The following CEP170 variants were observed in gnomAD, a reference collection of about 807,000 sequenced individuals.
CEP170 encodes centrosomal protein of 170 kDa.
In CEP170, 21 loss-of-function variants were observed where a neutral mutation model predicts 151.9. That is an observed-to-expected ratio of 0.14 (90% CI 0.10 to 0.20). The LOEUF (loss-of-function observed/expected upper bound fraction) is 0.20, where lower values mean the gene tolerates loss of function less well. Among genes scored for constraint, CEP170 ranks in the 10% least tolerant of loss-of-function variants. The probability of loss-of-function intolerance (pLI) is 1.00; values close to 1 mark genes in which losing one functional copy is unlikely to be tolerated. For synonymous variants in CEP170, 356 were observed against 648.8 expected (o/e 0.55, Z 6.86); for missense variants, 964 against 1,892.9 (o/e 0.51, Z 9.11).
intron 16 of CEP170, among the ~76,000 whole-genome samples, chr1:243,137,303 A>C (rs889481036): frequency 6.6e-6 from 1 of 152,260 alleles, no homozygotes; most frequent in Admixed American, 6.5e-5. Flanking sequence ...TTATATTGTC[A>C]GTACTATATC....
At chr1:243,129,085 T>C (rs1033699615) in intron 18 of CEP170, among the ~76,000 whole-genome samples, 1 of 152,112 alleles carries the variant, frequency 6.6e-6, no homozygotes, top group African/African-American at 2.4e-5. Context: ...TAGATTTGGT[T>C]CTCTTTAAAA....
chr1:243,210,511 T>C (rs1425124600), intron 4 of CEP170, among the ~76,000 whole-genome samples: 6 of 151,896 alleles, frequency 4.0e-5, no homozygotes, highest in Admixed American at 6.5e-5. Flanking sequence ...GCTTTTTGTA[T>C]ATTCCTTTGG....
chr1:243,213,215 C>A (rs1489848982), intron 3 of CEP170, among the ~76,000 whole-genome samples: 1 of 151,900 alleles, frequency 6.6e-6, no homozygotes, highest in African/African-American at 2.4e-5. Context: ...GTGAAAAGCA[C>A]AGACCTACGA....
intron 1 of CEP170, among the ~76,000 whole-genome samples, chr1:243,227,948 C>T (rs964316194): frequency 2.0e-5 from 3 of 152,180 alleles, no homozygotes; most frequent in Non-Finnish European, 4.4e-5. Context: ...ACTTTTTATT[C>T]TGCATGACCT....
intron 7 of CEP170, among the ~76,000 whole-genome samples, chr1:243,194,719 T>C (rs573391826): frequency 6.6e-6 from 1 of 151,844 alleles, no homozygotes; most frequent in African/African-American, 2.4e-5. Context: ...TAACAGAACA[T>C]ATTCTGGAAT....
At position 243,226,627 on chromosome 1, in the gene CEP170, T is replaced by G. The variant is rs148129822; in HGVS notation, c.-41-1306A>C. Among the ~76,000 whole-genome samples the G allele has an allele frequency of 8.7e-4, 133 of 152,356 alleles. 1 individual carries two copies. The East Asian group carries it at 0.025, about 29-fold the overall frequency. On this transcript the variant is annotated intron_variant, in intron 1 of 19. Transcript: ENST00000366542. ...CATAAAAATTATATAAGCAGTAATTTCTTGAAGGTTTTTTGCAATATGGAA... is the reference window on the plus strand; with the variant it reads ...CATAAAAATTATATAAGCAGTAATTGCTTGAAGGTTTTTTGCAATATGGAA...
intron 8 of CEP170, among the ~76,000 whole-genome samples, chr1:243,190,681 C>T (rs2060257120): frequency 6.6e-6 from 1 of 152,052 alleles, no homozygotes; most frequent in African/African-American, 2.4e-5. Context: ...ATATCTTTTC[C>T]TTAAATCAAG....
At chr1:243,142,182 CA>C (rs1200785389) in intron 15 of CEP170, 133 bp downstream of exon 15, 1 of 1,536,016 alleles carries the variant, frequency 6.5e-7, no homozygotes, top group Non-Finnish European at 8.7e-7. Flanking sequence ...ACTGTTAAAG[CA>C]AAGTTGGAAA....
At chr1:243,235,158 A>G (rs1233905684) in intron 1 of CEP170, among the ~76,000 whole-genome samples, 1 of 152,230 alleles carries the variant, frequency 6.6e-6, no homozygotes, top group African/African-American at 2.4e-5. Context: ...CAGCAAAAAT[A>G]AACAAATAGC....
chr1:243,243,840 A>C (rs1344447180), intron 1 of CEP170, among the ~76,000 whole-genome samples: 7 of 152,196 alleles, frequency 4.6e-5, no homozygotes, highest in Admixed American at 3.9e-4. Context: ...TTCCTCTTTA[A>C]AAGTAGACAC....
At chr1:243,245,154 G>A (rs1022919168) in intron 1 of CEP170, among the ~76,000 whole-genome samples, 1 of 152,072 alleles carries the variant, frequency 6.6e-6, no homozygotes, top group African/African-American at 2.4e-5. Flanking sequence ...TAATGTATGT[G>A]TGCAAAAGGC....
rs746646622 is a variant in CEP170, at chr1:243,126,627, T to A, written c.4577A>T (p.Asn1526Ile). ...TGGTGTCTGACCCGGGCTGTGGTGG[T>A]TATTCACAGGGCTGGACTTCTGTTT... ...PPKQKSSPVN[N>I]HHSPGQTPTL... Residue 1526 changes from asparagine (N) to isoleucine (I), a missense_variant, in exon 20 of 20, where the codon AAC becomes ATC. Physicochemically the swap from Asn to Ile is moderately radical, Grantham distance 149. Coordinates refer to ENST00000366542, the MANE Select transcript of CEP170 (RefSeq NM_014812.3). 1.9e-6 allele frequency: 3 copies of A among 1,569,576 alleles called. No individual in the cohort carries two copies. The South Asian group carries it at 3.5e-5, about 18-fold the overall frequency.
At chr1:243,224,435 A>G (rs540635035) in intron 2 of CEP170, among the ~76,000 whole-genome samples, 1 of 152,034 alleles carries the variant, frequency 6.6e-6, no homozygotes, top group African/African-American at 2.4e-5. Flanking sequence ...AAATACACTA[A>G]CAACAGCTGA....
At chr1:243,205,424 C>T (rs2061343659) in intron 4 of CEP170, among the ~76,000 whole-genome samples, 1 of 152,172 alleles carries the variant, frequency 6.6e-6, no homozygotes, top group Non-Finnish European at 1.5e-5. Context: ...GCTTCAGCTA[C>T]TCAACTCTGC....
intron 11 of CEP170, among the ~76,000 whole-genome samples, chr1:243,171,523 C>G (rs906406715): frequency 5.9e-5 from 9 of 151,326 alleles, no homozygotes; most frequent in Non-Finnish European, 1.0e-4. Context: ...TTGTATATTA[C>G]AAATTAGCTC....
chr1:243,137,215 C>T (rs1345738474), intron 16 of CEP170, among the ~76,000 whole-genome samples: 2 of 152,170 alleles, frequency 1.3e-5, no homozygotes, highest in Admixed American at 1.3e-4. Context: ...TAGGCCAAAT[C>T]ATGAAAGGCA....
At position 243,126,479 on chromosome 1, in the gene CEP170, C is replaced by T. The variant is rs745421297; in HGVS notation, c.4725G>A (p.Gly1575=). ...SIHFNRFNPD[G]EEEDVTVQE ...CTTGTACTGTAACATCTTCCTCTTC[C>T]CCATCGGGGTTGAATCTATTGAAAT... The change falls in exon 20 of 20, where the codon GGG becomes GGA. Residue 1575 remains glycine (G), a synonymous_variant. Transcript: ENST00000366542. The T allele has an allele frequency of 9.9e-6, 16 of 1,610,174 alleles. No individual in the cohort carries two copies. The Admixed American group carries it at 2.7e-4, about 27-fold the overall frequency.
chr1:243,184,244 G>A (rs2059804287), intron 10 of CEP170, among the ~76,000 whole-genome samples: 1 of 151,898 alleles, frequency 6.6e-6, no homozygotes. Context: ...AAGAAACTGA[G>A]GCTTAAAGAG....
chr1:243,176,909 G>C (rs2059291658), intron 10 of CEP170: 1 of 365,750 alleles, frequency 2.7e-6, no homozygotes, highest in East Asian at 7.2e-5. Flanking sequence ...AGTTTAAAGA[G>C]ACTAAACATT....
Sources: allele counts gnomAD v4.1 joint callset (sites outside exome capture counted in the v4.1 genomes callset), GRCh38; gene constraint gnomAD v4.1.1; transcripts MANE v1.5; gene names NCBI Gene and HGNC (gene_info 2026-07-23, HGNC 2026-07-21).